The following DNM3 variants were observed in gnomAD, a reference collection of about 807,000 sequenced individuals.
The protein encoded by DNM3 is dynamin-3.
A neutral mutation model predicts 101.6 loss-of-function variants in DNM3; 47 were observed. That is an observed-to-expected ratio of 0.46 (90% CI 0.37 to 0.59). The LOEUF is 0.59. Ranked by LOEUF, DNM3 falls within the 20% of genes least tolerant of loss-of-function variation. DNM3 has a pLI of 0.00. For synonymous variants in DNM3, 385 were observed against 387.9 expected (o/e 0.99, Z 0.09); for missense variants, 849 against 1,085.7 (o/e 0.78, Z 3.06).
At chr1:172,301,474 C>G (rs1473467053) in intron 15 of DNM3, among the ~76,000 whole-genome samples, 3 of 152,190 alleles carry the variant, frequency 2.0e-5, no homozygotes, top group Non-Finnish European at 2.9e-5. Context: ...TGCACTCCAG[C>G]TCAGGCAACA....
At chr1:172,412,769 A>G (rs988247587), downstream of DNM3, 5 of 977,900 alleles carry the variant, frequency 5.1e-6, no homozygotes, top group Non-Finnish European at 6.1e-6. Context: ...GCCTTTCAGT[A>G]ATACCTGAGA....
chr1:171,972,265 C>A (rs900564096), intron 2 of DNM3, among the ~76,000 whole-genome samples: 1 of 152,180 alleles, frequency 6.6e-6, no homozygotes, highest in Non-Finnish European at 1.5e-5. Flanking sequence ...GTTACTTAGC[C>A]TTCTGGGATT....
At chr1:172,306,669 T>G (rs528973508) in intron 15 of DNM3, among the ~76,000 whole-genome samples, 1 of 152,250 alleles carries the variant, frequency 6.6e-6, no homozygotes, top group East Asian at 1.9e-4. Context: ...ATGGTACTGG[T>G]ACCAAAACAG....
chr1:172,277,756 T>A (rs2063342781), intron 15 of DNM3, among the ~76,000 whole-genome samples: 1 of 152,056 alleles, frequency 6.6e-6, no homozygotes, highest in East Asian at 1.9e-4. Context: ...TATGAAAAGA[T>A]GAGATGTGTT....
chr1:172,272,751 G>A (rs1021361372), intron 15 of DNM3, among the ~76,000 whole-genome samples: 1 of 152,044 alleles, frequency 6.6e-6, no homozygotes, highest in Non-Finnish European at 1.5e-5. Flanking sequence ...TATTTAATTA[G>A]ACAAATTAAC....
intron 14 of DNM3, chr1:172,133,389 T>C: frequency 1.0e-6 from 1 of 988,200 alleles, no homozygotes; most frequent in Non-Finnish European, 1.2e-6. Context: ...AGTTATAATA[T>C]TAACCAAGTG....
intron 2 of DNM3, among the ~76,000 whole-genome samples, chr1:171,956,094 C>T (rs1350111956): frequency 6.6e-6 from 1 of 152,100 alleles, no homozygotes; most frequent in Non-Finnish European, 1.5e-5. Flanking sequence ...CCAAACATAT[C>T]ATTCTGCTCC....
At chr1:172,342,816 TC>T (rs2066750405) in intron 17 of DNM3, among the ~76,000 whole-genome samples, 1 of 152,248 alleles carries the variant, frequency 6.6e-6, no homozygotes, top group Non-Finnish European at 1.5e-5. Context: ...TTCTTAGTAA[TC>T]TGTAAAGCTA....
intron 1 of DNM3, among the ~76,000 whole-genome samples, chr1:171,900,725 A>G (rs2038235380): frequency 6.6e-6 from 1 of 152,098 alleles, no homozygotes; most frequent in African/African-American, 2.4e-5. Flanking sequence ...GGATGGAGAG[A>G]GATGATGGTT....
chr1:171,872,295 G>C (rs1449871098), intron 1 of DNM3, among the ~76,000 whole-genome samples: 4 of 152,024 alleles, frequency 2.6e-5, no homozygotes, highest in Non-Finnish European at 4.4e-5. Flanking sequence ...ATTTTGAGAT[G>C]AAAAAGCTTC....
At chr1:172,230,311 CTG>C (rs1311175326) in intron 14 of DNM3, among the ~76,000 whole-genome samples, 8 of 152,188 alleles carry the variant, frequency 5.3e-5, no homozygotes, top group Non-Finnish European at 2.9e-5. Flanking sequence ...AATCATAACT[CTG>C]TCTTCCTCAT....
intron 2 of DNM3, among the ~76,000 whole-genome samples, chr1:171,935,769 CTTT>C (rs551030808): frequency 8.3e-5 from 4 of 47,990 alleles, no homozygotes; most frequent in Non-Finnish European, 1.6e-4. Flanking sequence ...CAAATCAAAA[CTTT>C]TTTTTTTTTT....
rs1179077299 is a variant in DNM3 at position 172,388,740 on chromosome 1, G to A, written c.2453G>A (p.Ser818Asn). Residue 818 changes from serine to asparagine, a missense_variant, in exon 20 of 21, where the codon AGC becomes AAC. By Grantham distance (46) the Ser-to-Asn change is conservative. Around this residue, in one of 5 missense-constraint regions of DNM3, gnomAD observed 256 missense variants for 311.7 expected, o/e 0.82. Coordinates refer to ENST00000627582, the MANE Select transcript of DNM3 (RefSeq NM_015569.5). ...RPGPLPPFPS[S>N]SDSFGAPPQV... ...GGCCCATTACCTCCTTTCCCCAGCA[G>A]CAGTGACTCCTTCGGAGCCCCTCCA... 2 of 1,612,634 alleles carry A rather than the reference G, an allele frequency of 1.2e-6. No individual in the cohort carries two copies. Among genetic ancestry groups the A allele is most frequent in the African/African-American group, 1.3e-5 (1 of 74,986 alleles).
chr1:172,388,306 A>G (rs1241342140), intron 19 of DNM3, among the ~76,000 whole-genome samples: 1 of 152,162 alleles, frequency 6.6e-6, no homozygotes, highest in South Asian at 2.1e-4. Context: ...ATATAGAGAG[A>G]GAAAATATAT....
intron 14 of DNM3, among the ~76,000 whole-genome samples, chr1:172,177,337 A>T (rs945970815): frequency 1.3e-5 from 2 of 151,734 alleles, no homozygotes; most frequent in Non-Finnish European, 2.9e-5. Context: ...TTTATTATTA[A>T]TTATTGTTAT....
intron 18 of DNM3, among the ~76,000 whole-genome samples, chr1:172,382,824 T>TA (rs35664272): frequency 1.3e-5 from 2 of 152,138 alleles, no homozygotes; most frequent in Non-Finnish European, 2.9e-5. Context: ...TAGGAATTTT[T>TA]AAAAAAACCA....
rs1436902006 is a variant in DNM3 at position 172,411,969 on chromosome 1, A to T, written c.*4128A>T. 1 of 985,664 alleles carries T rather than the reference A, an allele frequency of 1.0e-6. No homozygotes were observed. Among genetic ancestry groups the T allele is most frequent in the Non-Finnish European group, 1.2e-6 (1 of 829,874 alleles). 61.1% of individuals were successfully genotyped at this position (985,664 alleles called of 1,614,324 possible). A position where few individuals can be genotyped will look rare whatever the true frequency, so the allele number is the denominator to read the frequency against. On this transcript the variant is annotated 3_prime_UTR_variant, in exon 21 of 21. Coordinates refer to ENST00000627582, the MANE Select transcript of DNM3 (RefSeq NM_015569.5). The stretch of plus-strand genomic sequence containing the variant: ...CTCATCCTGTCTGGTTGCTATGTTT[A>T]AAATTATGTGGTGCTGTGTAGGTGA...
chr1:172,289,272 T>C (rs985672218), intron 15 of DNM3, among the ~76,000 whole-genome samples: 3 of 152,142 alleles, frequency 2.0e-5, no homozygotes, highest in Admixed American at 6.5e-5. Context: ...GCCAGAACTA[T>C]TGTGGAGAAA....
chr1:171,949,625 G>C (rs1219174682), intron 2 of DNM3, among the ~76,000 whole-genome samples: 1 of 151,404 alleles, frequency 6.6e-6, no homozygotes, highest in Non-Finnish European at 1.5e-5. Context: ...CATGTTGCCA[G>C]GGTTGGTCTT....
Sources: allele counts gnomAD v4.1 joint callset (sites outside exome capture counted in the v4.1 genomes callset), GRCh38; gene constraint gnomAD v4.1.1; regional missense constraint gnomAD v4.1.1; transcripts MANE v1.5; gene names NCBI Gene and HGNC (gene_info 2026-07-23, HGNC 2026-07-21).